The following TRIP12 variants were observed in gnomAD, a reference collection of about 807,000 sequenced individuals.
The protein encoded by TRIP12 is E3 ubiquitin-protein ligase TRIP12.
TRIP12 carries 25 observed loss-of-function variants against 244.2 expected under a neutral mutation model. The observed-to-expected ratio is 0.10, with a 90% CI of 0.07 to 0.14. The LOEUF (loss-of-function observed/expected upper bound fraction) is 0.14, where lower values mean the gene tolerates loss of function less well. TRIP12 is among the 10% of genes least tolerant of loss of function. The pLI is 1.00. For synonymous variants in TRIP12, 905 were observed against 873.1 expected, an observed-to-expected ratio of 1.04 and a Z score of -0.64; for missense variants, 1,677 against 2,486.4, an observed-to-expected ratio of 0.67 and a Z score of 6.92.
intron 1 of TRIP12, among the ~76,000 whole-genome samples, chr2:229,902,795 T>G (rs2071358008): frequency 6.6e-6 from 1 of 152,182 alleles, no homozygotes; most frequent in African/African-American, 2.4e-5. Context: ...ACCAAAACTT[T>G]CAAATGAAAC....
intron 6 of TRIP12, among the ~76,000 whole-genome samples, chr2:229,836,485 C>T (rs2054853312): frequency 6.6e-6 from 1 of 152,090 alleles, no homozygotes; most frequent in Non-Finnish European, 1.5e-5. Flanking sequence ...TATTTTAGGG[C>T]TTACAAAAAT....
At chr2:229,922,588 G>C (rs749576716), upstream of TRIP12, 28 of 1,614,096 alleles carry the variant, frequency 1.7e-5, no homozygotes, top group Non-Finnish European at 2.3e-5. Context: ...ACTATTACCA[G>C]TTACTGGTCA....
At chr2:229,860,258 T>C (rs2060244975) in intron 3 of TRIP12, 148 bp downstream of exon 3, 1 of 973,232 alleles carries the variant, frequency 1.0e-6, no homozygotes, top group East Asian at 2.6e-5. Flanking sequence ...ACTGCAAAGG[T>C]GATAAACTGT....
intron 6 of TRIP12, among the ~76,000 whole-genome samples, chr2:229,831,453 C>T: frequency 6.6e-6 from 1 of 152,250 alleles, no homozygotes; most frequent in South Asian, 2.1e-4. Flanking sequence ...GCAGAAGGAT[C>T]ATTTAAGCTC....
chr2:229,797,948 A>G, intron 23 of TRIP12, 117 bp from the exon 24 acceptor site: 1 of 1,055,212 alleles, frequency 9.5e-7, no homozygotes. Context: ...CTTACAGTTT[A>G]AAAACTCCAG....
chr2:229,803,932 G>A (rs2045163528), intron 19 of TRIP12, 67 bp downstream of exon 19: 1 of 1,377,892 alleles, frequency 7.3e-7, no homozygotes, highest in Non-Finnish European at 9.8e-7. Flanking sequence ...TATTACTTTA[G>A]AGGTTTCTGA....
intron 1 of TRIP12, among the ~76,000 whole-genome samples, chr2:229,887,278 G>A (rs1041337916): frequency 3.3e-5 from 5 of 152,142 alleles, no homozygotes; most frequent in Non-Finnish European, 5.9e-5. Flanking sequence ...AGAAGAAAAA[G>A]GTGGCTAACT....
rs1412369414 is a variant in TRIP12, at chr2:229,796,696, T to C, written c.3711A>G (p.Gly1237=). The stretch of plus-strand genomic sequence containing the variant: ...AATAAAGCAACAGCTGCTTCACAAA[T>C]CCACTATGTTGGATTTCAAATGATG... ...DVSSFEIQHS[G]FVKQLLLYLT... Residue 1237 remains glycine, a synonymous_variant, in exon 25 of 42, where the codon GGA becomes GGG. Transcript: ENST00000675903. 1.2e-6 allele frequency: 2 copies of C among 1,612,620 alleles called. No homozygotes were observed. Among genetic ancestry groups the C allele is most frequent in the Admixed American group, 3.4e-5 (2 of 59,378 alleles).
chr2:229,796,750 G>T lies in TRIP12; in HGVS notation c.3657C>A (p.Ile1219=). Residue 1219 remains isoleucine (I), a synonymous_variant, in exon 25 of 42, where the codon ATC becomes ATA. Coordinates refer to ENST00000675903, the MANE Select transcript of TRIP12 (RefSeq NM_001348323.3). ...VDGGAECLVE[I]RSIVSESDVS... Reference sequence around the variant, plus strand: ...CATCTGACTCTGAGACTATGCTACGGATTTCTACAAGGCACTCAGCTCCAC... The same window carrying T: ...CATCTGACTCTGAGACTATGCTACGTATTTCTACAAGGCACTCAGCTCCAC... 1 of 1,600,762 alleles carries T rather than the reference G, an allele frequency of 6.2e-7. No homozygotes were observed. Among genetic ancestry groups the T allele is most frequent in the Non-Finnish European group, 8.5e-7 (1 of 1,175,962 alleles).
chr2:229,791,334 T>C, intron 29 of TRIP12, 83 bp from the exon 30 acceptor site: 1 of 1,464,894 alleles, frequency 6.8e-7, no homozygotes, highest in Non-Finnish European at 9.5e-7. Context: ...GACACCACAG[T>C]TACCAGAAGA....
At chr2:229,833,790 GTA>G (rs2054060494) in intron 6 of TRIP12, among the ~76,000 whole-genome samples, 1 of 150,940 alleles carries the variant, frequency 6.6e-6, no homozygotes, top group Admixed American at 6.6e-5. Context: ...AACTATTTTT[GTA>G]TATGTTTTAC....
chr2:229,789,065 AC>A (rs2040776059), intron 31 of TRIP12, 125 bp from the exon 32 acceptor site: 1 of 819,506 alleles, frequency 1.2e-6, no homozygotes, highest in Non-Finnish European at 1.9e-6. Context: ...TTTCCAACAT[AC>A]AACACACAGC....
At chr2:229,797,911 T>C (rs557767892) in intron 23 of TRIP12, 80 bp from the exon 24 acceptor site, 18 of 1,407,472 alleles carry the variant, frequency 1.3e-5, no homozygotes, top group Middle Eastern at 4.8e-4. Flanking sequence ...AAATAGCTGC[T>C]ACATTTAAAA....
chr2:229,815,046 A>G, intron 11 of TRIP12, 53 bp downstream of exon 11: 1 of 1,387,926 alleles, frequency 7.2e-7, no homozygotes, highest in Non-Finnish European at 9.9e-7. Context: ...CAAGAGTTTG[A>G]AACTTGACTC....
In TRIP12 at chr2:229,800,461, G is replaced by GA. The variant is rs201245649; in HGVS notation, c.3207-1079dup. On this transcript the variant is annotated intron_variant, in intron 21 of 41. Transcript: ENST00000675903. The stretch of plus-strand genomic sequence containing the variant: ...GGCCCAAATAAAACTGGAAAAATCT[G>GA]AAAAAAAATTGGAAAATTTCCAACA... 1.1e-3 allele frequency among the ~76,000 whole-genome samples: 172 copies of GA among 151,486 alleles called. 4 individuals carry two copies. In the East Asian group the frequency reaches 0.029, roughly 26 times the overall value.
At chr2:229,856,751 T>C (rs1576137313) in intron 4 of TRIP12, among the ~76,000 whole-genome samples, 1 of 152,226 alleles carries the variant, frequency 6.6e-6, no homozygotes, top group African/African-American at 2.4e-5. Context: ...GTAACTCCAA[T>C]TATCAATAAA....
intron 30 of TRIP12, among the ~76,000 whole-genome samples, chr2:229,790,101 T>C (rs1220476070): frequency 6.6e-6 from 1 of 152,160 alleles, no homozygotes; most frequent in Non-Finnish European, 1.5e-5. Flanking sequence ...AAGTTCACTG[T>C]TACAGAAATT....
Position 229,810,903 on chromosome 2 carries a change from A to G in TRIP12, c.2198T>C (p.Leu733Ser). ...ACTTTGTTTCATAAGTTGAACAGCT[A>G]AAGTTGGACAGTTGGAACACATCAG... ...FSLMCSNCPTLAVQLMKQNIA... is the reference protein window; with the variant it reads ...FSLMCSNCPTSAVQLMKQNIA... Residue 733 changes from leucine (L) to serine (S), a missense_variant, in exon 15 of 42, where the codon TTA becomes TCA. By Grantham distance (145) the Leu-to-Ser change is moderately radical (BLOSUM62 -2). Around this residue, in one of 11 missense-constraint regions of TRIP12, gnomAD observed 572 missense variants for 867.8 expected, o/e 0.66. Transcript: ENST00000675903. 6.2e-7 allele frequency: 1 copy of G among 1,613,826 alleles called. No individual in the cohort carries two copies. Among genetic ancestry groups the G allele is most frequent in the Non-Finnish European group, 8.5e-7 (1 of 1,179,922 alleles).
chr2:229,809,506 C>T (rs2154277338), intron 15 of TRIP12, among the ~76,000 whole-genome samples: 1 of 152,214 alleles, frequency 6.6e-6, no homozygotes, highest in East Asian at 1.9e-4. Context: ...GCAGCAATTT[C>T]CCAAACTAGT....
Sources: gnomAD v4.1 joint callset for allele counts (sites outside exome capture counted in the v4.1 genomes callset) on GRCh38, gnomAD v4.1.1 for gene constraint, gnomAD v4.1.1 regional missense constraint, MANE v1.5 for transcripts, NCBI Gene and HGNC (gene_info 2026-07-23, HGNC 2026-07-21) for gene names.